The following EPB41L2 variants were observed in gnomAD, a reference collection of about 807,000 sequenced individuals.
EPB41L2 encodes the protein erythrocyte membrane protein band 4.1 like 2.
A neutral mutation model predicts 113.0 loss-of-function variants in EPB41L2; 43 were observed. That is an observed-to-expected ratio of 0.38 (90% confidence interval 0.30 to 0.49). The LOEUF (loss-of-function observed/expected upper bound fraction) is 0.49. Ranked by LOEUF, EPB41L2 falls within the 20% of genes least tolerant of loss-of-function variation. The pLI, the probability that EPB41L2 is intolerant of heterozygous loss-of-function variation, is 0.95. For synonymous variants in EPB41L2, 442 were observed against 436.7 expected, an observed-to-expected ratio of 1.01 and a Z score of -0.15; for missense variants, 1,147 against 1,223.4, an observed-to-expected ratio of 0.94 and a Z score of 0.93.
intron 1 of EPB41L2, among the ~76,000 whole-genome samples, chr6:130,995,613 CA>C (rs1219975452): frequency 2.0e-5 from 3 of 152,204 alleles, no homozygotes; most frequent in South Asian, 4.1e-4. Context: ...TCAACCTTGG[CA>C]AAACAAGCTT....
Position 130,894,415 on chromosome 6 carries a change from T to C in EPB41L2, c.1416A>G (p.Gly472=), listed in dbSNP as rs1222321285. ...CTGCCCGGTGGTTTGGCAGTTTGAA[T>C]CCAATGGTACTCTCAAACTGTTCCA... ...AELEQFESTI[G]FKLPNHRAAK... Residue 472 remains glycine (G), a synonymous_variant, in exon 10 of 20, where the codon GGA becomes GGG. Coordinates refer to ENST00000337057, the MANE Select transcript of EPB41L2 (RefSeq NM_001431.4). 1.2e-5 allele frequency: 20 copies of C among 1,613,820 alleles called. No individual in the cohort carries two copies. The highest frequency in any genetic ancestry group is 1.7e-5 in the Non-Finnish European group (20 of 1,179,830).
chr6:130,858,300 A>G, intron 18 of EPB41L2, 57 bp from the exon 19 acceptor site: 1 of 1,342,852 alleles, frequency 7.4e-7, no homozygotes, highest in Non-Finnish European at 1.0e-6. Context: ...CCACCTCACA[A>G]TGGCAAAACA....
intron 3 of EPB41L2, among the ~76,000 whole-genome samples, chr6:130,930,651 C>A (rs1806513265): frequency 6.6e-6 from 1 of 152,002 alleles, no homozygotes; most frequent in African/African-American, 2.4e-5. Context: ...TAGATATGCC[C>A]AGCTGCCTGG....
chr6:130,896,189 A>ATATT (rs1439550229), intron 8 of EPB41L2, among the ~76,000 whole-genome samples: 3 of 152,260 alleles, frequency 2.0e-5, no homozygotes, highest in African/African-American at 4.8e-5. Context: ...AAATAAAAGT[A>ATATT]TAGTATTAGC....
chr6:131,006,634 A>G (rs1311481850), intron 1 of EPB41L2, among the ~76,000 whole-genome samples: 1 of 54,988 alleles, frequency 1.8e-5, no homozygotes, highest in East Asian at 3.6e-4. Flanking sequence ...CGCACCACTG[A>G]ACCCGACTGG....
chr6:130,965,058 C>A (rs1774689264), intron 1 of EPB41L2, among the ~76,000 whole-genome samples: 1 of 152,160 alleles, frequency 6.6e-6, no homozygotes, highest in African/African-American at 2.4e-5. Flanking sequence ...TAATCATTAG[C>A]AGCATGTTCT....
chr6:131,000,977 G>GGAGA (rs59152533), intron 1 of EPB41L2, among the ~76,000 whole-genome samples: 78,671 of 151,790 alleles, frequency 0.52, 22,651 homozygotes, highest in East Asian at 0.81. Flanking sequence ...CAAATGATCT[G>GGAGA]GAGTGCAGCT....
At chr6:130,917,742 A>AT (rs1480362208) in intron 4 of EPB41L2, among the ~76,000 whole-genome samples, 1 of 152,212 alleles carries the variant, frequency 6.6e-6, no homozygotes, top group East Asian at 1.9e-4. Flanking sequence ...AAGTGTTAGA[A>AT]TAAGTTTTTC....
intron 4 of EPB41L2, among the ~76,000 whole-genome samples, chr6:130,913,356 G>T (rs1475015217): frequency 6.6e-6 from 1 of 152,170 alleles, no homozygotes. Flanking sequence ...ACAGCAGCAT[G>T]ACTTCCTCAC....
At chr6:130,898,295 A>G (rs1795250572) in intron 8 of EPB41L2, among the ~76,000 whole-genome samples, 1 of 152,180 alleles carries the variant, frequency 6.6e-6, no homozygotes, top group Non-Finnish European at 1.5e-5. Flanking sequence ...ATGAAGTATG[A>G]TTAATAACAC....
chr6:130,927,987 G>A (rs947570019), intron 3 of EPB41L2, among the ~76,000 whole-genome samples: 11 of 152,056 alleles, frequency 7.2e-5, no homozygotes, highest in African/African-American at 1.7e-4. Flanking sequence ...CAGCTACTCC[G>A]GAGGCTGGGG....
chr6:130,929,710 C>T (rs1284383202), intron 3 of EPB41L2, among the ~76,000 whole-genome samples: 1 of 152,100 alleles, frequency 6.6e-6, no homozygotes, highest in African/African-American at 2.4e-5. Context: ...AGGTACCTGG[C>T]CCAATTGGCT....
At position 130,956,445 on chromosome 6, in the gene EPB41L2, TC is replaced by T. The variant is rs1391750605; in HGVS notation, c.40del (p.Asp14ThrfsTer5). 6.8e-6 allele frequency: 11 copies of T among 1,613,918 alleles called. No homozygotes were observed. Among genetic ancestry groups the T allele is most frequent in the Non-Finnish European group, 8.5e-6 (10 of 1,180,014 alleles). ...EVGSVSEVKK[D>X]SSQLGTDATK... ...TGCATCTGTTCCTAACTGGCTAGAG[TC>T]CTTCTTCACTTCAGACACAGAGCCT... On this transcript the variant is annotated frameshift_variant, in exon 2 of 20. Transcript: ENST00000337057. LOFTEE classifies it high-confidence loss of function.
chr6:130,936,544 A>C (rs1401608084), intron 3 of EPB41L2, among the ~76,000 whole-genome samples: 1 of 151,560 alleles, frequency 6.6e-6, no homozygotes. Flanking sequence ...TTGCAAATAT[A>C]TAAGTGGCAT....
At chr6:130,916,911 TAGAG>T (rs1562481029) in intron 4 of EPB41L2, among the ~76,000 whole-genome samples, 1 of 152,228 alleles carries the variant, frequency 6.6e-6, no homozygotes, top group Non-Finnish European at 1.5e-5. Flanking sequence ...AAGCTCAATA[TAGAG>T]AGACATTTTT....
chr6:131,027,057 T>C (rs1167426450), intron 1 of EPB41L2, among the ~76,000 whole-genome samples: 1 of 152,230 alleles, frequency 6.6e-6, no homozygotes, highest in East Asian at 1.9e-4. Context: ...AGAATGCTTA[T>C]GACTTTTACA....
intron 17 of EPB41L2, 23 bp from the exon 18 acceptor site, chr6:130,863,741 AG>A (rs759103679): frequency 1.3e-6 from 2 of 1,558,224 alleles, no homozygotes; most frequent in South Asian, 2.2e-5. Flanking sequence ...AAGGAGAAGA[AG>A]AAAAAACAGC....
intron 14 of EPB41L2, among the ~76,000 whole-genome samples, chr6:130,875,954 C>T (rs1787409019): frequency 6.8e-6 from 1 of 147,698 alleles, no homozygotes. Flanking sequence ...CATTGCACTC[C>T]AGCCCGGGCG....
intron 3 of EPB41L2, among the ~76,000 whole-genome samples, chr6:130,931,750 A>C (rs74734600): frequency 0.025 from 3,819 of 152,198 alleles, 152 homozygotes; most frequent in African/African-American, 0.087. Flanking sequence ...GTACAGGGGC[A>C]TGTAAGTTGA....
Sources: gnomAD v4.1 joint callset for allele counts (sites outside exome capture counted in the v4.1 genomes callset) on GRCh38, gnomAD v4.1.1 for gene constraint, MANE v1.5 for transcripts, NCBI Gene and HGNC (gene_info 2026-07-23, HGNC 2026-07-21) for gene names.